The following ADAM18 variants were observed in gnomAD, a reference collection of about 807,000 sequenced individuals.
ADAM18 encodes disintegrin and metalloproteinase domain-containing protein 18.
A neutral mutation model predicts 94.4 loss-of-function variants in ADAM18; 117 were observed. The observed-to-expected ratio is 1.24, with a 90% confidence interval of 1.07 to 1.45. The LOEUF is 1.45. Ranked by LOEUF, ADAM18 falls within the 40% of genes most tolerant of loss-of-function variation. The pLI, the probability that ADAM18 is intolerant of heterozygous loss-of-function variation, is 0.00. For synonymous variants in ADAM18, 327 were observed against 291.6 expected, an observed-to-expected ratio of 1.12 and a Z score of -1.24; for missense variants, 936 against 880.0, an observed-to-expected ratio of 1.06 and a Z score of -0.81.
At chr8:39,706,588 G>A (rs892629731) in intron 17 of ADAM18, among the ~76,000 whole-genome samples, 1 of 152,114 alleles carries the variant, frequency 6.6e-6, no homozygotes, top group African/African-American at 2.4e-5. Context: ...AAACTTTCAT[G>A]TAGGTATTTT....
chr8:39,669,944 G>A (rs988261623), intron 14 of ADAM18, among the ~76,000 whole-genome samples: 4 of 152,132 alleles, frequency 2.6e-5, no homozygotes, highest in African/African-American at 9.7e-5. Context: ...GTGTAAAAGT[G>A]TTCCTATTTC....
chr8:39,605,165 C>T (rs928798510), intron 2 of ADAM18, among the ~76,000 whole-genome samples: 3 of 152,194 alleles, frequency 2.0e-5, no homozygotes, highest in Non-Finnish European at 2.9e-5. Context: ...TTTCTCTCTA[C>T]CCAATTCACA....
At chr8:39,727,712 C>T (rs1822955928) in intron 19 of ADAM18, among the ~76,000 whole-genome samples, 1 of 152,154 alleles carries the variant, frequency 6.6e-6, no homozygotes, top group Non-Finnish European at 1.5e-5. Context: ...TAACTAGTCT[C>T]TAGGAAGTTC....
intron 19 of ADAM18, among the ~76,000 whole-genome samples, chr8:39,727,560 A>T (rs1036428543): frequency 8.5e-5 from 13 of 152,222 alleles, no homozygotes; most frequent in African/African-American, 2.7e-4. Context: ...GGGAATGAAC[A>T]AAATGCAGCC....
In ADAM18 at chr8:39,688,425, T is replaced by G. The variant is rs1038643640; in HGVS notation, c.1822-4175T>G. Among the ~76,000 whole-genome samples, 7 of 152,102 alleles carry G rather than the reference T, an allele frequency of 4.6e-5. No individual in the cohort carries two copies. The East Asian group carries it at 1.4e-3, about 29-fold the overall frequency. ...AAAGACCCCACTGTGTGTTGTTCCC[T>G]TCTATGTGTCCATGTGTTCTCATTA... On this transcript the variant is annotated intron_variant, in intron 16 of 19. Coordinates refer to ENST00000265707, the MANE Select transcript of ADAM18 (RefSeq NM_014237.3).
chr8:39,635,126 C>T (rs981308258), intron 7 of ADAM18, among the ~76,000 whole-genome samples: 1 of 152,118 alleles, frequency 6.6e-6, no homozygotes, highest in Non-Finnish European at 1.5e-5. Context: ...GCAAGAAGGC[C>T]CTCACCAGAC....
intron 17 of ADAM18, among the ~76,000 whole-genome samples, chr8:39,698,448 T>A (rs1383554790): frequency 6.6e-6 from 1 of 152,022 alleles, no homozygotes; most frequent in African/African-American, 2.4e-5. Context: ...AATTTATGTA[T>A]TATCTTTTAT....
chr8:39,650,872 A>G (rs543800050), intron 12 of ADAM18, among the ~76,000 whole-genome samples: 3 of 152,304 alleles, frequency 2.0e-5, no homozygotes, highest in Non-Finnish European at 4.4e-5. Context: ...AGAAAGAGAC[A>G]CAGAGACAAA....
chr8:39,710,495 A>G (rs1184374427), intron 18 of ADAM18, among the ~76,000 whole-genome samples: 2 of 152,208 alleles, frequency 1.3e-5, no homozygotes, highest in Non-Finnish European at 2.9e-5. Flanking sequence ...AATCTCAGGC[A>G]AGATAAATAT....
chr8:39,664,245 CAG>C (rs904927940), intron 13 of ADAM18, among the ~76,000 whole-genome samples: 6 of 151,970 alleles, frequency 3.9e-5, no homozygotes, highest in Admixed American at 2.6e-4. Flanking sequence ...AAAGATATGC[CAG>C]AGTTTATTTT....
At chr8:39,687,523 A>G (rs1191576069) in intron 16 of ADAM18, among the ~76,000 whole-genome samples, 3 of 152,104 alleles carry the variant, frequency 2.0e-5, no homozygotes, top group Admixed American at 1.3e-4. Flanking sequence ...TACATGGGTA[A>G]ATTACATGAC....
intron 13 of ADAM18, 39 bp from the exon 14 acceptor site, chr8:39,667,959 A>T (rs1404620490): frequency 1.3e-6 from 2 of 1,578,580 alleles, no homozygotes; most frequent in Non-Finnish European, 1.7e-6. Context: ...GAGAAAAATG[A>T]TTTACAGAAC....
intron 16 of ADAM18, among the ~76,000 whole-genome samples, chr8:39,683,293 C>T (rs1361394117): frequency 1.3e-5 from 2 of 152,190 alleles, no homozygotes; most frequent in Non-Finnish European, 2.9e-5. Context: ...TTTAGTAAAA[C>T]CTTCAGATGA....
At chr8:39,657,897 T>G (rs1434022728) in intron 12 of ADAM18, among the ~76,000 whole-genome samples, 1 of 152,148 alleles carries the variant, frequency 6.6e-6, no homozygotes, top group Non-Finnish European at 1.5e-5. Context: ...AATATAATGA[T>G]GTCATAGTAA....
chr8:39,721,311 AG>A (rs1822740682), intron 18 of ADAM18, among the ~76,000 whole-genome samples: 1 of 151,442 alleles, frequency 6.6e-6, no homozygotes. Flanking sequence ...AAAGTATAAA[AG>A]TTCTTACTGA....
At chr8:39,620,054 T>C (rs1043442094) in intron 6 of ADAM18, among the ~76,000 whole-genome samples, 1 of 152,036 alleles carries the variant, frequency 6.6e-6, no homozygotes, top group Non-Finnish European at 1.5e-5. Context: ...GAAACAGAAC[T>C]ATGCATTTAC....
chr8:39,606,338 C>G lies in ADAM18; in HGVS notation c.164C>G (p.Pro55Arg), dbSNP rs1271748762. The G allele has an allele frequency of 6.4e-7, 1 of 1,562,082 alleles. No homozygotes were observed. Residue 55 changes from proline to arginine, a missense_variant, in exon 3 of 20, where the codon CCT becomes CGT. By Grantham distance (103) the Pro-to-Arg change is moderately radical (BLOSUM62 -2). Coordinates refer to ENST00000265707, the MANE Select transcript of ADAM18 (RefSeq NM_014237.3). ...TACATCATTACAATTGATGGACAAC[C>G]TTACACTCTACATCTCGGAAAACAG... Reference protein sequence around the residue: ...MIYIITIDGQPYTLHLGKQSF... With the variant: ...MIYIITIDGQRYTLHLGKQSF...
chr8:39,730,002 T>C lies in ADAM18; in HGVS notation c.*62T>C. The C allele has an allele frequency of 2.0e-6, 3 of 1,502,958 alleles. No individual in the cohort carries two copies. The East Asian group carries it at 6.8e-5, about 34-fold the overall frequency. 93.1% of individuals were successfully genotyped at this position (1,502,958 alleles called of 1,614,324 possible). A position where few individuals can be genotyped will look rare whatever the true frequency, so the allele number is the denominator to read the frequency against. Reference sequence around the variant, plus strand: ...AACGAATGTGCTTTATTTATAACCTTACGTTATCCCCAATGCATTGTAAAT... The same window carrying C: ...AACGAATGTGCTTTATTTATAACCTCACGTTATCCCCAATGCATTGTAAAT... On this transcript the variant is annotated 3_prime_UTR_variant, in exon 20 of 20. Coordinates refer to ENST00000265707, the MANE Select transcript of ADAM18 (RefSeq NM_014237.3).
chr8:39,611,444 C>G, intron 6 of ADAM18: 1 of 984,622 alleles, frequency 1.0e-6, no homozygotes, highest in Non-Finnish European at 1.2e-6. Context: ...TCCCATGAAG[C>G]TATGAAACCA....
Sources: allele counts gnomAD v4.1 joint callset (sites outside exome capture counted in the v4.1 genomes callset), GRCh38; gene constraint gnomAD v4.1.1; transcripts MANE v1.5; gene names NCBI Gene and HGNC (gene_info 2026-07-23, HGNC 2026-07-21).